Variants in TTC39B observed in about 807,000 individuals in gnomAD.
TTC39B encodes the protein tetratricopeptide repeat protein 39B.
A neutral mutation model predicts 96.6 loss-of-function variants in TTC39B; 92 were observed. The observed-to-expected ratio is 0.95, with a 90% CI of 0.80 to 1.13. The LOEUF is 1.13. Among genes scored for constraint, TTC39B ranks in the 50% most tolerant of loss-of-function variants. The pLI is 0.00. For missense variants in TTC39B, 955 were observed against 809.3 expected (o/e 1.18, Z -2.18); for synonymous variants, 367 against 299.4 (o/e 1.23, Z -2.33).
At chr9:15,225,893 G>A in intron 3 of TTC39B, 24 bp downstream of exon 3, 1 of 1,607,210 alleles carries the variant, frequency 6.2e-7, no homozygotes, top group Non-Finnish European at 8.5e-7. Context: ...TCTTCCCCCA[G>A]GAATGCCCAC....
intron 15 of TTC39B, chr9:15,186,699 T>A: frequency 3.1e-6 from 1 of 324,666 alleles, no homozygotes; most frequent in South Asian, 6.4e-5. Flanking sequence ...ATATACATGG[T>A]TTTTTTTTGG....
intron 2 of TTC39B, among the ~76,000 whole-genome samples, chr9:15,237,401 A>T (rs1384320248): frequency 6.6e-6 from 1 of 152,184 alleles, no homozygotes; most frequent in Non-Finnish European, 1.5e-5. Context: ...TAACCAAGAA[A>T]ATAAAAGAGA....
intron 9 of TTC39B, among the ~76,000 whole-genome samples, chr9:15,192,239 G>C (rs1325168723): frequency 6.6e-6 from 1 of 152,122 alleles, no homozygotes; most frequent in Non-Finnish European, 1.5e-5. Context: ...CATTCCTCAA[G>C]TTATACTGGT....
At chr9:15,194,744 G>A (rs1484278823) in intron 8 of TTC39B, among the ~76,000 whole-genome samples, 1 of 152,132 alleles carries the variant, frequency 6.6e-6, no homozygotes, top group Non-Finnish European at 1.5e-5. Flanking sequence ...ACCTGTGATG[G>A]GAGATCTTAA....
rs141214256 is a variant in TTC39B at position 15,180,701 on chromosome 9, A to G, written c.1723+1606T>C. On this transcript the variant is annotated intron_variant, in intron 17 of 19. Transcript: ENST00000512701. ...TTTTCCAACTTCTCTCCATTTTCCAATTATGGACTTTTTCTTCCCTGCTCT... is the reference window on the plus strand; with the variant it reads ...TTTTCCAACTTCTCTCCATTTTCCAGTTATGGACTTTTTCTTCCCTGCTCT... 3.3e-5 allele frequency among the ~76,000 whole-genome samples: 5 copies of G among 152,214 alleles called. No individual in the cohort carries two copies. In the East Asian group the frequency reaches 9.7e-4, roughly 29 times the overall value.
At chr9:15,212,258 T>G (rs548672377) in intron 4 of TTC39B, among the ~76,000 whole-genome samples, 6 of 152,180 alleles carry the variant, frequency 3.9e-5, no homozygotes, top group Non-Finnish European at 8.8e-5. Context: ...AATTTGCAGC[T>G]TGTCCTGAAC....
exon 1 of TTC39B, chr9:15,307,183 T>A (rs1384015517): frequency 1.9e-6 from 3 of 1,583,826 alleles, no homozygotes; most frequent in Non-Finnish European, 2.6e-6. Flanking sequence ...AGCCGACTCC[T>A]GCTCTCGGCT....
chr9:15,199,082 A>G (rs975092048), intron 8 of TTC39B, among the ~76,000 whole-genome samples: 4 of 152,210 alleles, frequency 2.6e-5, no homozygotes, highest in Non-Finnish European at 5.9e-5. Flanking sequence ...GAAGAAAGGG[A>G]TGACTCCAGA....
chr9:15,188,002 T>C, exon 14 of TTC39B: 2 of 1,608,686 alleles, frequency 1.2e-6, no homozygotes, highest in Non-Finnish European at 1.7e-6. Flanking sequence ...GCAAAGCAGA[T>C]CTGAATAGTA....
At chr9:15,293,921 C>T (rs1031910524) in intron 1 of TTC39B, among the ~76,000 whole-genome samples, 2 of 152,156 alleles carry the variant, frequency 1.3e-5, no homozygotes, top group South Asian at 2.1e-4. Flanking sequence ...ACCTCACTTC[C>T]GTTTTCTGCA....
chr9:15,234,590 G>T, intron 2 of TTC39B, among the ~76,000 whole-genome samples: 1 of 152,104 alleles, frequency 6.6e-6, no homozygotes, highest in Non-Finnish European at 1.5e-5. Flanking sequence ...AATAGAAAGA[G>T]GGGAAAGGTG....
At chr9:15,270,736 A>G (rs1461966765) in intron 1 of TTC39B, among the ~76,000 whole-genome samples, 4 of 131,222 alleles carry the variant, frequency 3.0e-5, no homozygotes, top group Non-Finnish European at 6.5e-5. Flanking sequence ...CCCTGTATCT[A>G]ATAACTTTTT....
At chr9:15,164,075 A>G (rs963023748) in exon 20 of TTC39B, 1 of 152,194 alleles carries the variant, frequency 6.6e-6, no homozygotes, top group African/African-American at 2.4e-5. Flanking sequence ...GCTACAATCA[A>G]TTTCACCTTC....
At chr9:15,207,517 T>G (rs1265580195) in intron 6 of TTC39B, among the ~76,000 whole-genome samples, 1 of 151,914 alleles carries the variant, frequency 6.6e-6, no homozygotes, top group Non-Finnish European at 1.5e-5. Context: ...AGTGAAAGAG[T>G]TGTGGCTTAG....
intron 2 of TTC39B, among the ~76,000 whole-genome samples, chr9:15,238,417 C>A (rs190033590): frequency 6.6e-6 from 1 of 152,156 alleles, no homozygotes; most frequent in African/African-American, 2.4e-5. Flanking sequence ...CAAAAGACTC[C>A]TAGATTTGAT....
intron 8 of TTC39B, among the ~76,000 whole-genome samples, chr9:15,194,490 T>C (rs1819039617): frequency 6.6e-6 from 1 of 152,206 alleles, no homozygotes; most frequent in African/African-American, 2.4e-5. Context: ...CACACACACA[T>C]GCTGTCTCTT....
intron 17 of TTC39B, among the ~76,000 whole-genome samples, chr9:15,178,531 C>T (rs138642413): frequency 2.6e-5 from 4 of 152,272 alleles, no homozygotes; most frequent in South Asian, 2.1e-4. Flanking sequence ...GCTATGATGG[C>T]GCCACTGCAC....
At chr9:15,272,682 T>C (rs1823400014) in intron 1 of TTC39B, among the ~76,000 whole-genome samples, 1 of 152,186 alleles carries the variant, frequency 6.6e-6, no homozygotes, top group Non-Finnish European at 1.5e-5. Context: ...GACTCTCTAG[T>C]TGGAGTCAAG....
exon 18 of TTC39B, chr9:15,177,721 A>G: frequency 6.2e-7 from 1 of 1,613,278 alleles, no homozygotes; most frequent in Non-Finnish European, 8.5e-7. Flanking sequence ...ATTGTAACAT[A>G]GTTCAGCTTG....
Sources: allele counts gnomAD v4.1 joint callset (sites outside exome capture counted in the v4.1 genomes callset), GRCh38; gene constraint gnomAD v4.1.1; transcripts MANE v1.5; gene names NCBI Gene and HGNC (gene_info 2026-07-23, HGNC 2026-07-21).